STAU1: variants seen among roughly 807,000 people sequenced by gnomAD.
The protein encoded by STAU1 is staufen double-stranded RNA binding protein 1.
A neutral mutation model predicts 62.9 loss-of-function variants in STAU1; 13 were observed. The observed-to-expected ratio is 0.21, with a 90% CI of 0.13 to 0.33. The LOEUF (loss-of-function observed/expected upper bound fraction) is 0.33, where lower values mean the gene tolerates loss of function less well. STAU1 is among the 10% of genes least tolerant of loss of function. STAU1 has a pLI of 1.00. For synonymous variants in STAU1, 269 were observed against 265.1 expected, an observed-to-expected ratio of 1.01 and a Z score of -0.14; for missense variants, 571 against 712.1, an observed-to-expected ratio of 0.80 and a Z score of 2.25.
intron 1 of STAU1, among the ~76,000 whole-genome samples, chr20:49,176,871 T>A (rs1219001797): frequency 6.6e-6 from 1 of 151,912 alleles, no homozygotes; most frequent in Non-Finnish European, 1.5e-5. Flanking sequence ...TTGTTTTGTT[T>A]CCAAATTCCC....
chr20:49,164,981 C>T (rs1272468846), intron 3 of STAU1, among the ~76,000 whole-genome samples: 1 of 152,148 alleles, frequency 6.6e-6, no homozygotes, highest in Non-Finnish European at 1.5e-5. Context: ...ATCTTACGGA[C>T]ATTCAAAAAG....
chr20:49,158,961 A>G, intron 3 of STAU1: 1 of 1,301,412 alleles, frequency 7.7e-7, no homozygotes, highest in Non-Finnish European at 1.0e-6. Context: ...TTCACACATC[A>G]GGACATCAGG....
At chr20:49,125,087 A>C (rs1290720239) in intron 6 of STAU1, among the ~76,000 whole-genome samples, 1 of 150,448 alleles carries the variant, frequency 6.6e-6, no homozygotes, top group African/African-American at 2.4e-5. Context: ...AAAAAAAAAA[A>C]AAAACCCACA....
intron 9 of STAU1, among the ~76,000 whole-genome samples, chr20:49,118,964 G>A (rs529177328): frequency 5.3e-5 from 8 of 152,268 alleles, no homozygotes; most frequent in Non-Finnish European, 1.2e-4. Context: ...AAACCCTAAA[G>A]CCAAGTCTAA....
At chr20:49,132,799 AT>A (rs1160872523) in intron 6 of STAU1, among the ~76,000 whole-genome samples, 12 of 152,178 alleles carry the variant, frequency 7.9e-5, no homozygotes, top group Admixed American at 4.6e-4. Flanking sequence ...AGCTGTATAT[AT>A]TTTTCCAAAA....
chr20:49,172,392 T>C (rs1451522949), intron 2 of STAU1, among the ~76,000 whole-genome samples: 1 of 152,226 alleles, frequency 6.6e-6, no homozygotes, highest in East Asian at 1.9e-4. Context: ...GCACATACAT[T>C]TGTAAACAGT....
intron 6 of STAU1, among the ~76,000 whole-genome samples, chr20:49,126,586 A>AAACAAAAAAAAAAACAAAAAAAAC (rs1555837220): frequency 1.0e-5 from 1 of 97,734 alleles, no homozygotes. Flanking sequence ...AAAAAAAAAA[A>AAACAAAAAAAAAAACAAAAAAAAC]ACAAAAAAAA....
intron 2 of STAU1, among the ~76,000 whole-genome samples, chr20:49,169,430 T>C (rs1371656604): frequency 6.6e-6 from 1 of 152,234 alleles, no homozygotes; most frequent in Non-Finnish European, 1.5e-5. Flanking sequence ...TGTGGAACTT[T>C]GGAAATAGAA....
In STAU1 at chr20:49,123,501, C is replaced by T. The variant is rs182732912; in HGVS notation, c.823-266G>A. Among the ~76,000 whole-genome samples the T allele has an allele frequency of 1.4e-4, 22 of 152,234 alleles. No homozygotes were observed. In the East Asian group the frequency reaches 4.2e-3, roughly 29 times the overall value. On this transcript the variant is annotated intron_variant, in intron 7 of 13. Transcript: ENST00000371856. ...TATGACTGCGACGGCTGTTTTTTAA[C>T]ATATTTCAACATATGACAGTAAATG...
At chr20:49,200,886 A>C in the STAU1 span, among the ~76,000 whole-genome samples, 1 of 150,858 alleles carries the variant, frequency 6.6e-6, no homozygotes, top group African/African-American at 2.4e-5. Context: ...AAAACCCACA[A>C]AAAGTAGCCA....
At chr20:49,136,105 T>C (rs1469691405) in intron 5 of STAU1, among the ~76,000 whole-genome samples, 174 bp from the exon 6 acceptor site, 4 of 150,644 alleles carry the variant, frequency 2.7e-5, no homozygotes, top group Admixed American at 6.6e-5. Context: ...CTGAGCAACC[T>C]TGTCTCTAAA....
At chr20:49,150,570 C>T (rs183275183) in intron 5 of STAU1, among the ~76,000 whole-genome samples, 8 of 152,266 alleles carry the variant, frequency 5.3e-5, no homozygotes, top group Non-Finnish European at 1.0e-4. Context: ...ACCATCTTAG[C>T]CAGGATGGTC....
chr20:49,196,363 G>A, the STAU1 span, among the ~76,000 whole-genome samples: 1,686 of 151,192 alleles, frequency 0.011, 38 homozygotes, highest in African/African-American at 0.038. Context: ...GTGAACCCCG[G>A]GGGGCGGAGC....
At chr20:49,182,318 T>C (rs1053871107) in intron 1 of STAU1, among the ~76,000 whole-genome samples, 1 of 152,244 alleles carries the variant, frequency 6.6e-6, no homozygotes, top group African/African-American at 2.4e-5. Flanking sequence ...GTAATTCCCA[T>C]TTTACCACTT....
chr20:49,134,339 G>A (rs1427902842), intron 6 of STAU1: 5 of 405,324 alleles, frequency 1.2e-5, no homozygotes, highest in African/African-American at 2.1e-5. Context: ...GCTGAGGCAG[G>A]AGAATCGCTT....
At chr20:49,205,761 G>A in the STAU1 span, among the ~76,000 whole-genome samples, 3 of 150,774 alleles carry the variant, frequency 2.0e-5, no homozygotes, top group East Asian at 5.9e-4. Flanking sequence ...CACAAGCTCC[G>A]CCTCCTGGGT....
rs1342672740 is a variant in STAU1 at position 49,172,130 on chromosome 20, G to T, written c.-85+2065C>A. On this transcript the variant is annotated intron_variant, in intron 2 of 13. Coordinates refer to ENST00000371856, the MANE Select transcript of STAU1 (RefSeq NM_017453.4). ...TCTCACACTTGGCCCAATGCCATGG[G>T]CAATGGAGGACTTTCTTTCCACACA... Among the ~76,000 whole-genome samples, 3 of 152,180 alleles carry T rather than the reference G, an allele frequency of 2.0e-5. No homozygotes were observed. The East Asian group carries it at 5.8e-4, about 29-fold the overall frequency.
intron 1 of STAU1, among the ~76,000 whole-genome samples, chr20:49,176,208 G>T (rs959455335): frequency 1.3e-5 from 2 of 152,120 alleles, no homozygotes; most frequent in Non-Finnish European, 2.9e-5. Context: ...AAATGTCGTT[G>T]GCATATGCTT....
At chr20:49,192,034 G>C (rs374955678), upstream of STAU1, among the ~76,000 whole-genome samples, 9 of 151,770 alleles carry the variant, frequency 5.9e-5, no homozygotes, top group Admixed American at 5.3e-4. Context: ...CTAGGCAAGA[G>C]AGCGAGACTC....
Sources: allele counts gnomAD v4.1 joint callset (sites outside exome capture counted in the v4.1 genomes callset), GRCh38; gene constraint gnomAD v4.1.1; transcripts MANE v1.5; gene names NCBI Gene and HGNC (gene_info 2026-07-23, HGNC 2026-07-21).